TENM3: variants seen among roughly 807,000 people sequenced by gnomAD.
TENM3 encodes the protein teneurin transmembrane protein 3, also known as teneurin-3.
A neutral mutation model predicts 255.1 loss-of-function variants in TENM3; 63 were observed. The observed-to-expected ratio is 0.25, with a 90% CI of 0.20 to 0.30. TENM3 has a LOEUF of 0.30. Among genes scored for constraint, TENM3 ranks in the 10% least tolerant of loss-of-function variants. The pLI is 1.00. For synonymous variants in TENM3, 1,306 were observed against 1,322.3 expected (o/e 0.99, Z 0.27); for missense variants, 2,929 against 3,461.1 (o/e 0.85, Z 3.86).
chr4:182,651,312 C>A (rs776358898), intron 5 of TENM3, among the ~76,000 whole-genome samples: 60 of 152,112 alleles, frequency 3.9e-4, no homozygotes, highest in Middle Eastern at 3.4e-3. Context: ...CAATTTAATG[C>A]AGAATGACAC....
chr4:181,509,396 A>T, the TENM3 span, among the ~76,000 whole-genome samples: 1 of 147,650 alleles, frequency 6.8e-6, no homozygotes, highest in Non-Finnish European at 1.5e-5. Context: ...CTAAGGTGCA[A>T]TTTTTTTTTT....
chr4:182,598,941 A>G (rs1002891068), intron 3 of TENM3, among the ~76,000 whole-genome samples: 13 of 152,184 alleles, frequency 8.5e-5, no homozygotes, highest in Admixed American at 5.2e-4. Flanking sequence ...TTTCTTCTCT[A>G]TAATATAATA....
the TENM3 span, among the ~76,000 whole-genome samples, chr4:181,959,478 A>G: frequency 6.6e-6 from 1 of 152,210 alleles, no homozygotes; most frequent in Non-Finnish European, 1.5e-5. Context: ...AAGAGTAGGG[A>G]GGAAGAGAGA....
the TENM3 span, among the ~76,000 whole-genome samples, chr4:181,551,163 A>T: frequency 6.6e-6 from 1 of 152,200 alleles, no homozygotes; most frequent in Admixed American, 6.5e-5. Flanking sequence ...GCAGAAACAA[A>T]TTCTTAAAGT....
chr4:182,762,996 A>AC lies in TENM3; in HGVS notation c.4892+7743dup, dbSNP rs71596672. Among the ~76,000 whole-genome samples, 657 of 151,742 alleles carry AC rather than the reference A, an allele frequency of 4.3e-3. 7 individuals carry two copies. Among genetic ancestry groups the AC allele is most frequent in the African/African-American group, 0.015 (618 of 41,370 alleles). On this transcript the variant is annotated intron_variant, in intron 22 of 27. Transcript: ENST00000511685. The stretch of plus-strand genomic sequence containing the variant: ...GTGAAGCCATGGTTCTTCAAGAGAG[A>AC]CCCCCCACAACTTCTAGAAAATATT...
the TENM3 span, among the ~76,000 whole-genome samples, chr4:181,968,249 A>G: frequency 6.6e-6 from 1 of 152,090 alleles, no homozygotes; most frequent in South Asian, 2.1e-4. Context: ...CAGTGACCCA[A>G]ATCTGCACCT....
chr4:181,713,945 T>C, the TENM3 span, among the ~76,000 whole-genome samples: 1 of 152,156 alleles, frequency 6.6e-6, no homozygotes, highest in Non-Finnish European at 1.5e-5. Flanking sequence ...TTTCACAGGT[T>C]AAGACAGGTA....
the TENM3 span, among the ~76,000 whole-genome samples, chr4:181,709,018 A>G: frequency 6.6e-6 from 1 of 152,230 alleles, no homozygotes; most frequent in African/African-American, 2.4e-5. Flanking sequence ...AATTGGAGTA[A>G]GCAGAATTTA....
At chr4:182,314,858 C>T (rs1263447628) in intron 1 of TENM3, among the ~76,000 whole-genome samples, 1 of 152,124 alleles carries the variant, frequency 6.6e-6, no homozygotes, top group Non-Finnish European at 1.5e-5. Flanking sequence ...TCCCCTTTTA[C>T]TACCTTCTTT....
At chr4:181,720,456 C>T in the TENM3 span, among the ~76,000 whole-genome samples, 1 of 152,198 alleles carries the variant, frequency 6.6e-6, no homozygotes, top group African/African-American at 2.4e-5. Flanking sequence ...CATTTTTATA[C>T]CATTTTTCCC....
the TENM3 span, among the ~76,000 whole-genome samples, chr4:181,722,459 G>A: frequency 6.6e-6 from 1 of 152,144 alleles, no homozygotes; most frequent in African/African-American, 2.4e-5. Context: ...TAGAGACATT[G>A]ACTATAGACC....
chr4:182,471,401 G>A (rs1049614011), intron 3 of TENM3, among the ~76,000 whole-genome samples: 1 of 152,134 alleles, frequency 6.6e-6, no homozygotes, highest in African/African-American at 2.4e-5. Flanking sequence ...AACCAAGATG[G>A]TATAGCCTAC....
At chr4:182,001,469 C>A in the TENM3 span, among the ~76,000 whole-genome samples, 1 of 152,022 alleles carries the variant, frequency 6.6e-6, no homozygotes, top group African/African-American at 2.4e-5. Context: ...TGGTATATCA[C>A]ACTGTTACTG....
the TENM3 span, among the ~76,000 whole-genome samples, chr4:181,526,617 T>C: frequency 6.6e-6 from 1 of 152,148 alleles, no homozygotes; most frequent in Admixed American, 6.5e-5. Context: ...GGGCACTTAC[T>C]CTTAACAATG....
chr4:182,734,982 A>G (rs538752240), intron 16 of TENM3, among the ~76,000 whole-genome samples: 25 of 152,182 alleles, frequency 1.6e-4, no homozygotes, highest in Non-Finnish European at 3.2e-4. Flanking sequence ...TTTAGGGTTA[A>G]ATCACATGTT....
chr4:182,617,328 A>C (rs942428525), intron 4 of TENM3, among the ~76,000 whole-genome samples: 9 of 152,218 alleles, frequency 5.9e-5, no homozygotes, highest in Admixed American at 2.6e-4. Flanking sequence ...ATCTTATCTT[A>C]AAATGAACTC....
intron 3 of TENM3, among the ~76,000 whole-genome samples, chr4:182,491,597 C>T (rs932850624): frequency 8.6e-5 from 13 of 152,022 alleles, no homozygotes; most frequent in African/African-American, 3.1e-4. Flanking sequence ...TGAAGGATTG[C>T]GTTGAAATTC....
At chr4:182,631,686 A>G (rs143570571) in intron 5 of TENM3, 2 of 152,316 alleles carry the variant, frequency 1.3e-5, no homozygotes, top group East Asian at 3.9e-4. Flanking sequence ...TGACCTTGCA[A>G]CCTTTAACAG....
the TENM3 span, among the ~76,000 whole-genome samples, chr4:181,996,324 G>A: frequency 6.6e-6 from 1 of 152,154 alleles, no homozygotes; most frequent in Non-Finnish European, 1.5e-5. Flanking sequence ...TTAGCCAGGA[G>A]AGTTCAGGAA....
Sources: allele counts gnomAD v4.1 joint callset (sites outside exome capture counted in the v4.1 genomes callset), GRCh38; gene constraint gnomAD v4.1.1; transcripts MANE v1.5; gene names NCBI Gene and HGNC (gene_info 2026-07-23, HGNC 2026-07-21).